The following PCDHB16 variants were observed in gnomAD, a reference collection of about 807,000 sequenced individuals.
PCDHB16 encodes protocadherin beta 16.
For synonymous variants in PCDHB16, 444 were observed against 436.5 expected, an observed-to-expected ratio of 1.02 and a Z score of -0.21; for missense variants, 1,026 against 989.9, an observed-to-expected ratio of 1.04 and a Z score of -0.49.
Position 141,183,528 on chromosome 5 carries a change from T to C in PCDHB16, c.969T>C (p.Asp323=). 1 of 1,614,186 alleles carries C rather than the reference T, an allele frequency of 6.2e-7. No individual in the cohort carries two copies. The highest frequency in any genetic ancestry group is 8.5e-7 in the Non-Finnish European group (1 of 1,180,036). The change falls in exon 1 of 1, where the codon GAT becomes GAC. Residue 323 remains aspartate, a synonymous_variant. Transcript: ENST00000609684. The part of the protein sequence containing the change: ...TSYEVRIKAT[D]GGGLSGKCTL... Reference sequence around the variant, plus strand: ...ATGAAGTGCGCATCAAAGCCACAGATGGGGGAGGTCTTTCAGGAAAGTGCA... The same window carrying C: ...ATGAAGTGCGCATCAAAGCCACAGACGGGGGAGGTCTTTCAGGAAAGTGCA...
rs61743312 is a variant in PCDHB16, at chr5:141,184,434, C to T, written c.1875C>T (p.Arg625=). The change falls in exon 1 of 1, where the codon CGC becomes CGT. Residue 625 remains arginine, a synonymous_variant. Transcript: ENST00000609684. ...TGTGGGCGCACAATGGCGAGGTGCG[C>T]ACCGCCAGGCTGCTGAGCGAGCGCG... is the stretch of plus-strand genomic sequence containing the variant. ...FGVWAHNGEV[R]TARLLSERDA... 129 of 1,607,392 alleles carry T rather than the reference C, an allele frequency of 8.0e-5. No homozygotes were observed. The highest frequency in any genetic ancestry group is 1.0e-4 in the Non-Finnish European group (118 of 1,179,516).
Position 141,183,533 on chromosome 5 carries a change from G to T in PCDHB16, c.974G>T (p.Gly325Val). Residue 325 changes from glycine to valine, a missense_variant, in exon 1 of 1, where the codon GGA (glycine) becomes GTA (valine). Coordinates refer to ENST00000609684, the MANE Select transcript of PCDHB16 (RefSeq NM_020957.4). ...GTGCGCATCAAAGCCACAGATGGGG[G>T]AGGTCTTTCAGGAAAGTGCACTCTT... ...YEVRIKATDG[G>V]GLSGKCTLLL... The T allele has an allele frequency of 6.2e-7, 1 of 1,614,204 alleles. No homozygotes were observed. The highest frequency in any genetic ancestry group is 8.5e-7 in the Non-Finnish European group (1 of 1,180,036).
chr5:141,185,815 TG>T lies in PCDHB16; in HGVS notation c.*926del, dbSNP rs200779911. The T allele has an allele frequency of 4.3e-3, 4,247 of 983,444 alleles. 141 individuals are homozygous for T. The African/African-American group carries it at 0.07, about 16-fold the overall frequency. The allele number at this position is 983,444 out of a possible 1,614,324, so 60.9% of individuals were successfully genotyped here. ...CTTAAATAAAATAAAATATTCCTAT[TG>T]TAAGTGATATGAGAAATCTTTAACC... On this transcript the variant is annotated 3_prime_UTR_variant, in exon 1 of 1. Coordinates refer to ENST00000609684, the MANE Select transcript of PCDHB16 (RefSeq NM_020957.4).
chr5:141,184,568 T>A lies in PCDHB16; in HGVS notation c.2009T>A (p.Phe670Tyr), dbSNP rs149098449. 5.3e-5 allele frequency: 86 copies of A among 1,611,378 alleles called. No individual in the cohort carries two copies. In the African/African-American group the frequency reaches 7.5e-4, roughly 14 times the overall value. ...CTGGTGGACGGCTTCTCCCAGCCCTTCCTGCCGCTCCCAGAGGCGGCCCCC... is the reference window on the plus strand; with the variant it reads ...CTGGTGGACGGCTTCTCCCAGCCCTACCTGCCGCTCCCAGAGGCGGCCCCC... ...VLLVDGFSQP[F>Y]LPLPEAAPGQ... The change falls in exon 1 of 1, where the codon TTC becomes TAC. Residue 670 changes from phenylalanine to tyrosine, a missense_variant. Phe to Tyr is a conservative substitution (Grantham distance 22, BLOSUM62 3). Transcript: ENST00000609684.
rs1753697894 is a variant in PCDHB16 at position 141,185,338 on chromosome 5, T to A, written c.*448T>A. 1 of 870,888 alleles carries A rather than the reference T, an allele frequency of 1.1e-6. No individual in the cohort carries two copies. The highest frequency in any genetic ancestry group is 5.4e-5 in the South Asian group (1 of 18,612). The allele number at this position is 870,888 out of a possible 1,614,324, so 53.9% of individuals were successfully genotyped here. The stretch of plus-strand genomic sequence containing the variant: ...TTGTCTATTTTCCTTTCAAAATTGG[T>A]ATTTTTGTTGGGCTCAATTTTCATT... On this transcript the variant is annotated 3_prime_UTR_variant, in exon 1 of 1. Transcript: ENST00000609684.
Position 141,184,816 on chromosome 5 carries a change from G to T in PCDHB16, c.2257G>T (p.Val753Leu). The change falls in exon 1 of 1, where the codon GTG becomes TTG. Residue 753 changes from valine to leucine, a missense_variant. Physicochemically the swap from Val to Leu is conservative, Grantham distance 32. Transcript: ENST00000609684. ...GTLSQSYQYE[V>L]CLTGGSETSE... ...CCTGTCCCAGAGCTACCAATACGAG[G>T]TGTGTCTGACAGGAGGCTCAGAAAC... 1 of 1,614,224 alleles carries T rather than the reference G, an allele frequency of 6.2e-7. No individual in the cohort carries two copies. The highest frequency in any genetic ancestry group is 8.5e-7 in the Non-Finnish European group (1 of 1,180,044).
At position 141,185,925 on chromosome 5, in the gene PCDHB16, A is replaced by G. The variant is rs1554282597; in HGVS notation, c.*1035A>G. The G allele has an allele frequency of 4.2e-5, 40 of 954,956 alleles. No homozygotes were observed. Among genetic ancestry groups the G allele is most frequent in the Non-Finnish European group, 4.8e-5 (38 of 788,964 alleles). 59.2% of individuals were successfully genotyped at this position (954,956 alleles called of 1,614,324 possible). ...GTTTGTGTTTGTAGACAAAAGGCAA[A>G]GGTATTATGTAAAAATATTTAATAA... is the stretch of plus-strand genomic sequence containing the variant. On this transcript the variant is annotated 3_prime_UTR_variant, in exon 1 of 1. Transcript: ENST00000609684.
In PCDHB16 at chr5:141,182,748, G is replaced by C; in HGVS notation, c.189G>C (p.Lys63Asn). ...GGTTGACAGAGATGTCCACCCGCAAGGCCAGGATCATTTCCCAGGGGAACA... is the reference window on the plus strand; with the variant it reads ...GGTTGACAGAGATGTCCACCCGCAACGCCAGGATCATTTCCCAGGGGAACA... ...GLGLTEMSTR[K>N]ARIISQGNKQ... Residue 63 changes from lysine to asparagine, a missense_variant, in exon 1 of 1, where the codon AAG (lysine) becomes AAC (asparagine). By Grantham distance (94) the Lys-to-Asn change is moderately conservative (BLOSUM62 0). Transcript: ENST00000609684. The C allele has an allele frequency of 1.2e-6, 2 of 1,612,698 alleles. No individual in the cohort carries two copies. The highest frequency in any genetic ancestry group is 1.7e-6 in the Non-Finnish European group (2 of 1,178,910).
At position 141,184,753 on chromosome 5, in the gene PCDHB16, T is replaced by C. The variant is rs782082739; in HGVS notation, c.2194T>C (p.Phe732Leu). 161 of 1,614,074 alleles carry C rather than the reference T, an allele frequency of 1.0e-4. No individual in the cohort carries two copies. Among genetic ancestry groups the C allele is most frequent in the Non-Finnish European group, 1.3e-4 (152 of 1,180,050 alleles). Reference sequence around the variant, plus strand: ...CCGCTGCTCGATGCCTGAGGGCCCCTTTCCAGGGCGTCTGGTGGACGTAAG... The same window carrying C: ...CCGCTGCTCGATGCCTGAGGGCCCCCTTCCAGGGCGTCTGGTGGACGTAAG... ...VGRCSMPEGP[F>L]PGRLVDVSGT... The change falls in exon 1 of 1, where the codon TTT (phenylalanine) becomes CTT (leucine). Residue 732 changes from phenylalanine (F) to leucine (L), a missense_variant. Phe to Leu is a conservative substitution (Grantham distance 22). Coordinates refer to ENST00000609684, the MANE Select transcript of PCDHB16 (RefSeq NM_020957.4).
Position 141,184,610 on chromosome 5 carries a change from A to C in PCDHB16, c.2051A>C (p.Asn684Thr). The C allele has an allele frequency of 1.2e-6, 2 of 1,612,256 alleles. No homozygotes were observed. Among genetic ancestry groups the C allele is most frequent in the Non-Finnish European group, 1.7e-6 (2 of 1,179,722 alleles). Residue 684 changes from asparagine to threonine, a missense_variant, in exon 1 of 1, where the codon AAC (asparagine) becomes ACC (threonine). Physicochemically the swap from Asn to Thr is moderately conservative, Grantham distance 65. Coordinates refer to ENST00000609684, the MANE Select transcript of PCDHB16 (RefSeq NM_020957.4). ...PEAAPGQTQA[N>T]SLTVYLVVAL... Reference sequence around the variant, plus strand: ...GCGGCCCCCGGCCAGACCCAGGCCAACTCGCTCACTGTCTACCTGGTGGTG... The same window carrying C: ...GCGGCCCCCGGCCAGACCCAGGCCACCTCGCTCACTGTCTACCTGGTGGTG...
At position 141,185,569 on chromosome 5, in the gene PCDHB16, C is replaced by A. The variant is rs902244691; in HGVS notation, c.*679C>A. 1.3e-4 allele frequency: 46 copies of A among 344,154 alleles called. No homozygotes were observed. Among genetic ancestry groups the A allele is most frequent in the Non-Finnish European group, 1.7e-4 (41 of 242,968 alleles). 21.3% of individuals were successfully genotyped at this position (344,154 alleles called of 1,614,324 possible). On this transcript the variant is annotated 3_prime_UTR_variant, in exon 1 of 1. Transcript: ENST00000609684. ...TGGACTATAGGTGCATGCCACCATG[C>A]CTGGCTAATCTTTTGCAGCGATGGG...
Position 141,185,020 on chromosome 5 carries a change from A to G in PCDHB16, c.*130A>G. On this transcript the variant is annotated 3_prime_UTR_variant, in exon 1 of 1. Transcript: ENST00000609684. ...CTTGTTGATTAAATTGTTCATGCTC[A>G]CCACCACCAATAAGGTATTTTTCTC... 3.4e-6 allele frequency: 5 copies of G among 1,459,874 alleles called. No individual in the cohort carries two copies. Among genetic ancestry groups the G allele is most frequent in the Non-Finnish European group, 4.5e-6 (5 of 1,105,186 alleles). The allele number at this position is 1,459,874 out of a possible 1,614,324, so 90.4% of individuals were successfully genotyped here. A position where few individuals can be genotyped will look rare whatever the true frequency, so the allele number is the denominator to read the frequency against.
At position 141,185,336 on chromosome 5, in the gene PCDHB16, G is replaced by T. The variant is rs1255334325; in HGVS notation, c.*446G>T. ...TTTTGTCTATTTTCCTTTCAAAATT[G>T]GTATTTTTGTTGGGCTCAATTTTCA... On this transcript the variant is annotated 3_prime_UTR_variant, in exon 1 of 1. Coordinates refer to ENST00000609684, the MANE Select transcript of PCDHB16 (RefSeq NM_020957.4). The T allele has an allele frequency of 2.3e-6, 2 of 877,096 alleles. No individual in the cohort carries two copies. Among genetic ancestry groups the T allele is most frequent in the South Asian group, 1.1e-4 (2 of 18,698 alleles). The allele number at this position is 877,096 out of a possible 1,614,324, so 54.3% of individuals were successfully genotyped here.
chr5:141,184,652 C>G lies in PCDHB16; in HGVS notation c.2093C>G (p.Ser698Trp). ...CTGGTGGTGGCGTTGGCCTCGGTGTCGTCGCTCTTCCTCTTTTCGGTGCTC... is the reference window on the plus strand; with the variant it reads ...CTGGTGGTGGCGTTGGCCTCGGTGTGGTCGCTCTTCCTCTTTTCGGTGCTC... ...VYLVVALASV[S>W]SLFLFSVLLF... Residue 698 changes from serine (S) to tryptophan (W), a missense_variant, in exon 1 of 1, where the codon TCG becomes TGG. Ser to Trp is a radical substitution (Grantham distance 177). Coordinates refer to ENST00000609684, the MANE Select transcript of PCDHB16 (RefSeq NM_020957.4). 2 of 1,611,350 alleles carry G rather than the reference C, an allele frequency of 1.2e-6. No homozygotes were observed. Among genetic ancestry groups the G allele is most frequent in the Non-Finnish European group, 1.7e-6 (2 of 1,178,610 alleles).
In PCDHB16 at chr5:141,185,047, G is replaced by A; in HGVS notation, c.*157G>A. 6.9e-7 allele frequency: 1 copy of A among 1,443,812 alleles called. No homozygotes were observed. The highest frequency in any genetic ancestry group is 1.6e-5 in the South Asian group (1 of 64,212). 89.4% of individuals were successfully genotyped at this position (1,443,812 alleles called of 1,614,324 possible). On this transcript the variant is annotated 3_prime_UTR_variant, in exon 1 of 1. Transcript: ENST00000609684. ...CACCACCAATAAGGTATTTTTCTCTGATTGTTAGTTCAAATTATATTGTTA... is the reference window on the plus strand; with the variant it reads ...CACCACCAATAAGGTATTTTTCTCTAATTGTTAGTTCAAATTATATTGTTA...
chr5:141,183,392 C>T lies in PCDHB16; in HGVS notation c.833C>T (p.Ser278Leu). 1 of 1,614,172 alleles carries T rather than the reference C, an allele frequency of 6.2e-7. No homozygotes were observed. Among genetic ancestry groups the T allele is most frequent in the Non-Finnish European group, 8.5e-7 (1 of 1,180,030 alleles). The change falls in exon 1 of 1, where the codon TCA (serine) becomes TTA (leucine). Residue 278 changes from serine (S) to leucine (L), a missense_variant. Transcript: ENST00000609684. ...DLDGGANGKISYTLFQPSEDI... is the reference protein window; with the variant it reads ...DLDGGANGKILYTLFQPSEDI... The stretch of plus-strand genomic sequence containing the variant: ...GACGGCGGAGCCAATGGAAAAATAT[C>T]ATACACACTCTTTCAGCCTTCGGAG...
Position 141,182,657 on chromosome 5 carries a change from A to AT in PCDHB16, c.100dup (p.Ser34PhefsTer55), listed in dbSNP as rs1554281998. 6.2e-7 allele frequency: 1 copy of AT among 1,606,122 alleles called. No homozygotes were observed. The highest frequency in any genetic ancestry group is 8.5e-7 in the Non-Finnish European group (1 of 1,176,224). ...GGGGCGGGCGCCGAGTTGGGGTCCT[A>AT]TTCCGTAGTGGAAGAAACGGAGAGA... On this transcript the variant is annotated frameshift_variant, in exon 1 of 1. Transcript: ENST00000609684. LOFTEE classifies it low-confidence loss of function (END_TRUNC).
In PCDHB16 at chr5:141,184,939, G is replaced by A. The variant is rs1200928838; in HGVS notation, c.*49G>A. The A allele has an allele frequency of 1.3e-6, 2 of 1,579,448 alleles. No individual in the cohort carries two copies. Among genetic ancestry groups the A allele is most frequent in the African/African-American group, 2.7e-5 (2 of 73,332 alleles). On this transcript the variant is annotated 3_prime_UTR_variant, in exon 1 of 1. Coordinates refer to ENST00000609684, the MANE Select transcript of PCDHB16 (RefSeq NM_020957.4). ...AAATTCCACCCTTCACAATAGCTTTGGATTTAATTATTGATAGGAACCCAT... is the reference window on the plus strand; with the variant it reads ...AAATTCCACCCTTCACAATAGCTTTAGATTTAATTATTGATAGGAACCCAT...
rs1286766134 is a variant in PCDHB16, at chr5:141,184,635, G to A, written c.2076G>A (p.Val692=). Reference sequence around the variant, plus strand: ...ACTCGCTCACTGTCTACCTGGTGGTGGCGTTGGCCTCGGTGTCGTCGCTCT... The same window carrying A: ...ACTCGCTCACTGTCTACCTGGTGGTAGCGTTGGCCTCGGTGTCGTCGCTCT... ...QANSLTVYLV[V]ALASVSSLFL... The change falls in exon 1 of 1, where the codon GTG becomes GTA. Residue 692 remains valine, a synonymous_variant. Transcript: ENST00000609684. The A allele has an allele frequency of 6.2e-7, 1 of 1,612,744 alleles. No homozygotes were observed. Among genetic ancestry groups the A allele is most frequent in the African/African-American group, 1.3e-5 (1 of 75,048 alleles).
Sources: allele counts gnomAD v4.1 joint callset, GRCh38; gene constraint gnomAD v4.1.1; transcripts MANE v1.5; gene names NCBI Gene and HGNC (gene_info 2026-07-23, HGNC 2026-07-21).